NPAS3: variants seen among roughly 807,000 people sequenced by gnomAD.
The protein encoded by NPAS3 is neuronal PAS domain protein 3, also known as neuronal PAS domain-containing protein 3.
In NPAS3, 14 loss-of-function variants were observed where a neutral mutation model predicts 73.1. That is an observed-to-expected ratio of 0.19 (90% CI 0.13 to 0.30). The LOEUF is 0.30. NPAS3 is among the 10% of genes least tolerant of loss of function. The pLI is 1.00. For missense variants in NPAS3, 1,096 were observed against 1,250.0 expected (o/e 0.88, Z 1.86); for synonymous variants, 620 against 541.5 (o/e 1.14, Z -2.01).
At chr14:33,014,776 A>G (rs190435987) in intron 1 of NPAS3, among the ~76,000 whole-genome samples, 169 of 152,358 alleles carry the variant, frequency 1.1e-3, no homozygotes, top group Non-Finnish European at 1.0e-4. Flanking sequence ...ATTATAAACC[A>G]ACATCAAGAG....
chr14:33,785,426 C>CA (rs2063139495), intron 9 of NPAS3, among the ~76,000 whole-genome samples: 2 of 130,584 alleles, frequency 1.5e-5, no homozygotes, highest in Admixed American at 1.5e-4. Context: ...CAGAGTGAGA[C>CA]TCCATCTCAA....
At chr14:33,680,990 A>ATGGAAACAGTAGAGTACTTGC (rs1365024084) in intron 6 of NPAS3, 1 of 220,834 alleles carries the variant, frequency 4.5e-6, no homozygotes, top group African/African-American at 2.3e-5. Flanking sequence ...GGCCAGCAAA[A>ATGGAAACAGTAGAGTACTTGC]TGGAAACAGT....
At chr14:33,737,047 A>T (rs1029167353) in intron 7 of NPAS3, among the ~76,000 whole-genome samples, 2 of 152,202 alleles carry the variant, frequency 1.3e-5, no homozygotes, top group Non-Finnish European at 2.9e-5. Flanking sequence ...GAAACTAAGG[A>T]TAGAAAACTA....
chr14:33,296,519 G>C (rs2042305275), intron 3 of NPAS3, among the ~76,000 whole-genome samples: 1 of 152,232 alleles, frequency 6.6e-6, no homozygotes, highest in Non-Finnish European at 1.5e-5. Flanking sequence ...AGTTGTGTGT[G>C]TCTTAGATAA....
At chr14:33,765,339 C>A (rs1477709171) in intron 7 of NPAS3, among the ~76,000 whole-genome samples, 2 of 151,676 alleles carry the variant, frequency 1.3e-5, no homozygotes, top group Non-Finnish European at 2.9e-5. Flanking sequence ...CCAGCAATCT[C>A]TCAGCTCCCC....
At chr14:33,252,032 C>T (rs1374504006) in intron 3 of NPAS3, among the ~76,000 whole-genome samples, 1 of 141,242 alleles carries the variant, frequency 7.1e-6, no homozygotes, top group African/African-American at 2.7e-5. Context: ...TAGAACCTTT[C>T]GTGGGTGTTT....
At chr14:33,339,703 G>T (rs1401468374) in intron 3 of NPAS3, among the ~76,000 whole-genome samples, 1 of 152,080 alleles carries the variant, frequency 6.6e-6, no homozygotes, top group Non-Finnish European at 1.5e-5. Flanking sequence ...TAATCAGCAT[G>T]ACAGTTGAGG....
chr14:33,715,279 A>G (rs2060927222), intron 6 of NPAS3, among the ~76,000 whole-genome samples: 1 of 152,162 alleles, frequency 6.6e-6, no homozygotes, highest in Non-Finnish European at 1.5e-5. Flanking sequence ...CCTATAAAAT[A>G]ATGACCTTTG....
chr14:33,363,875 T>C (rs2045714891), intron 3 of NPAS3, among the ~76,000 whole-genome samples: 1 of 151,818 alleles, frequency 6.6e-6, no homozygotes, highest in African/African-American at 2.4e-5. Context: ...GGTAACAGAA[T>C]CTTCACAGAC....
chr14:33,462,416 A>G (rs1359795881), intron 4 of NPAS3, among the ~76,000 whole-genome samples: 1 of 152,108 alleles, frequency 6.6e-6, no homozygotes, highest in Non-Finnish European at 1.5e-5. Context: ...CTGGCCAATG[A>G]GCTGTGAGTG....
At chr14:33,710,795 T>C (rs1369141408) in intron 6 of NPAS3, among the ~76,000 whole-genome samples, 1 of 152,236 alleles carries the variant, frequency 6.6e-6, no homozygotes, top group Non-Finnish European at 1.5e-5. Flanking sequence ...GCCACAGAAA[T>C]TGAGACTGCT....
intron 4 of NPAS3, among the ~76,000 whole-genome samples, chr14:33,508,098 G>A (rs2052860542): frequency 6.6e-6 from 1 of 151,942 alleles, no homozygotes. Context: ...AAATAATATT[G>A]CCATTGTTTC....
chr14:33,647,290 CTATATATA>C (rs774453212), intron 5 of NPAS3, among the ~76,000 whole-genome samples: 7 of 147,418 alleles, frequency 4.7e-5, no homozygotes, highest in African/African-American at 1.5e-4. Context: ...CTCTCTCTCT[CTATATATA>C]TATATATATA....
At chr14:33,278,233 A>G (rs1288485523) in intron 3 of NPAS3, among the ~76,000 whole-genome samples, 1 of 152,126 alleles carries the variant, frequency 6.6e-6, no homozygotes, top group African/African-American at 2.4e-5. Flanking sequence ...AGGAGATGTC[A>G]TGTCAATACA....
chr14:33,564,508 G>GA (rs1251804002), intron 5 of NPAS3, among the ~76,000 whole-genome samples: 1 of 152,228 alleles, frequency 6.6e-6, no homozygotes, highest in Non-Finnish European at 1.5e-5. Flanking sequence ...TAGCTGTGCG[G>GA]AAGACCATCG....
At chr14:32,996,457 C>T (rs2038576276) in intron 1 of NPAS3, among the ~76,000 whole-genome samples, 1 of 152,140 alleles carries the variant, frequency 6.6e-6, no homozygotes, top group Non-Finnish European at 1.5e-5. Context: ...GAACCCTTCA[C>T]AGCAGCCCAT....
At chr14:33,562,943 C>T (rs369726186) in intron 5 of NPAS3, among the ~76,000 whole-genome samples, 5 of 144,228 alleles carry the variant, frequency 3.5e-5, no homozygotes, top group Non-Finnish European at 7.5e-5. Flanking sequence ...AAACCAAATG[C>T]TCTGCTTGTA....
chr14:33,039,767 T>G (rs781386233), intron 1 of NPAS3, among the ~76,000 whole-genome samples: 17 of 152,214 alleles, frequency 1.1e-4, no homozygotes, highest in Non-Finnish European at 2.2e-4. Flanking sequence ...CCTCTATTAT[T>G]AAACACTTTC....
intron 4 of NPAS3, among the ~76,000 whole-genome samples, chr14:33,556,967 C>T (rs905049637): frequency 1.3e-5 from 2 of 152,148 alleles, no homozygotes; most frequent in African/African-American, 4.8e-5. Flanking sequence ...GATTGTGTAC[C>T]AAGCCATGGC....
Sources: allele counts gnomAD v4.1 joint callset (sites outside exome capture counted in the v4.1 genomes callset), GRCh38; gene constraint gnomAD v4.1.1; transcripts MANE v1.5; gene names NCBI Gene and HGNC (gene_info 2026-07-23, HGNC 2026-07-21).